The following LAD1 variants were observed in gnomAD, a reference collection of about 807,000 sequenced individuals.
LAD1 encodes ladinin-1.
A neutral mutation model predicts 54.2 loss-of-function variants in LAD1; 53 were observed. The ratio of observed to expected loss-of-function variants is 0.98; its 90% CI spans 0.78 to 1.23. The LOEUF (loss-of-function observed/expected upper bound fraction) is 1.23. LAD1 is among the 50% of genes most tolerant of loss of function. The probability of loss-of-function intolerance (pLI) is 0.00; values close to 1 mark genes in which losing one functional copy is unlikely to be tolerated. For missense variants in LAD1, 637 were observed against 653.3 expected, an observed-to-expected ratio of 0.98 and a Z score of 0.27; for synonymous variants, 231 against 257.7, an observed-to-expected ratio of 0.90 and a Z score of 0.99.
intron 7 of LAD1, 139 bp from the exon 8 acceptor site, chr1:201,382,878 C>T: frequency 2.1e-6 from 2 of 972,542 alleles, no homozygotes; most frequent in Non-Finnish European, 1.6e-6. Context: ...GGACAGCCCC[C>T]TCCCCTTCCC....
chr1:201,399,258 C>A lies in LAD1; in HGVS notation c.38+11G>T. ...GACCCCCCGCCCCTCCCGGCTCCCT[C>A]CGGCGCTCACCTGGACAGCGCGGAC... On this transcript the variant is annotated intron_variant, in intron 1 of 9. Coordinates refer to ENST00000391967, the MANE Select transcript of LAD1 (RefSeq NM_005558.4). 6.4e-7 allele frequency: 1 copy of A among 1,553,696 alleles called. No homozygotes were observed. The highest frequency in any genetic ancestry group is 1.2e-5 in the South Asian group (1 of 85,492).
chr1:201,391,081 T>A (rs1192269390), intron 1 of LAD1: 4 of 456,158 alleles, frequency 8.8e-6, no homozygotes, highest in Non-Finnish European at 1.3e-5. Context: ...CATTTACCCA[T>A]GGAAAAAACT....
At chr1:201,382,608 C>T (rs755763772) in intron 8 of LAD1, 45 bp downstream of exon 8, 3 of 1,484,496 alleles carry the variant, frequency 2.0e-6, no homozygotes, top group African/African-American at 2.8e-5. Context: ...AGTCATCCCA[C>T]CACAAAGGCT....
At chr1:201,390,528 C>T (rs1214272714) in intron 1 of LAD1, among the ~76,000 whole-genome samples, 1 of 152,058 alleles carries the variant, frequency 6.6e-6, no homozygotes, top group African/African-American at 2.4e-5. Flanking sequence ...GAGTGAAACT[C>T]CATCTCAAAA....
intron 1 of LAD1, among the ~76,000 whole-genome samples, chr1:201,394,547 T>A (rs930502716): frequency 5.9e-5 from 9 of 152,252 alleles, no homozygotes; most frequent in African/African-American, 2.2e-4. Context: ...GCATGACTGC[T>A]GTGAGCTCTG....
rs1452282322 is a variant in LAD1 at position 201,390,008 on chromosome 1, C to G, written c.39-705G>C. Among the ~76,000 whole-genome samples, 4 of 151,902 alleles carry G rather than the reference C, an allele frequency of 2.6e-5. No individual in the cohort carries two copies. In the East Asian group the frequency reaches 7.9e-4, roughly 30 times the overall value. ...AATCACAGCTCACTGCAGCCCCAAC[C>G]TCCCAGGCTCAAGTGATCCTCCCAC... On this transcript the variant is annotated intron_variant, in intron 1 of 9. Coordinates refer to ENST00000391967, the MANE Select transcript of LAD1 (RefSeq NM_005558.4).
At chr1:201,383,021 G>A (rs1661993170) in intron 7 of LAD1, 53 bp downstream of exon 7, 20 of 1,554,664 alleles carry the variant, frequency 1.3e-5, no homozygotes, top group Non-Finnish European at 1.7e-5. Context: ...TTTGGGTTTT[G>A]GAGACGTCAG....
At chr1:201,382,150 C>T (rs2102354041) in intron 9 of LAD1, 102 bp downstream of exon 9, 5 of 1,038,744 alleles carry the variant, frequency 4.8e-6, no homozygotes, top group Non-Finnish European at 7.5e-6. Context: ...GGGTGGACTG[C>T]GCGATTGCAG....
chr1:201,383,259 G>A (rs1171130241), intron 6 of LAD1, 48 bp from the exon 7 acceptor site: 17 of 1,614,064 alleles, frequency 1.1e-5, no homozygotes, highest in Admixed American at 1.7e-5. Context: ...GGAGGGGAAA[G>A]GGCCATGCCC....
In LAD1 at chr1:201,386,385, C is replaced by G. The variant is rs778739037; in HGVS notation, c.976G>C (p.Ala326Pro). The change falls in exon 3 of 10, where the codon GCT becomes CCT. Residue 326 changes from alanine to proline, a missense_variant. Coordinates refer to ENST00000391967, the MANE Select transcript of LAD1 (RefSeq NM_005558.4). ...GAGGCCACAGTCGGAGGGTCTGAAG[C>G]CCCCTGCTTTGCCAAAGAGGGCAGG... The part of the protein sequence containing the change: ...KNLPSLAKQG[A>P]SDPPTVASRL... The G allele has an allele frequency of 1.3e-6, 2 of 1,516,544 alleles. No individual in the cohort carries two copies. The highest frequency in any genetic ancestry group is 1.8e-6 in the Non-Finnish European group (2 of 1,136,036). The allele number at this position is 1,516,544 out of a possible 1,614,324, so 93.9% of individuals were successfully genotyped here.
rs368718244 is a variant in LAD1 at position 201,381,880 on chromosome 1, G to A, written c.*8C>T. 49 of 1,613,850 alleles carry A rather than the reference G, an allele frequency of 3.0e-5. 1 individual carries two copies. The highest frequency in any genetic ancestry group is 1.1e-4 in the African/African-American group (8 of 74,924). ...CGAAGACTTGCAGGTCTGTCTTGGC[G>A]GGGCTTGTCACACCTGTGGGGCAAA... is the stretch of plus-strand genomic sequence containing the variant. On this transcript the variant is annotated 3_prime_UTR_variant, in exon 10 of 10. Coordinates refer to ENST00000391967, the MANE Select transcript of LAD1 (RefSeq NM_005558.4).
chr1:201,386,266 G>A, intron 3 of LAD1, 69 bp downstream of exon 3: 9 of 1,376,528 alleles, frequency 6.5e-6, no homozygotes, highest in Non-Finnish European at 8.5e-6. Context: ...GGACTACCTG[G>A]GTGGGACTGG....
chr1:201,381,635 GCAGAGACTGGGT>G lies in LAD1; in HGVS notation c.*241_*252del. The G allele has an allele frequency of 1.7e-6, 1 of 589,396 alleles. No individual in the cohort carries two copies. Among genetic ancestry groups the G allele is most frequent in the Non-Finnish European group, 3.1e-6 (1 of 326,522 alleles). The allele number at this position is 589,396 out of a possible 1,614,324, so 36.5% of individuals were successfully genotyped here. The stretch of plus-strand genomic sequence containing the variant: ...GATGTGCACTTGTGCTGTGACCTGG[GCAGAGACTGGGT>G]CCCAGCATCTGTTGTGCCTGCCGCA... On this transcript the variant is annotated 3_prime_UTR_variant, in exon 10 of 10. Transcript: ENST00000391967.
At position 201,381,782 on chromosome 1, in the gene LAD1, G is replaced by A. The variant is rs1661965773; in HGVS notation, c.*106C>T. The A allele has an allele frequency of 7.8e-7, 1 of 1,279,028 alleles. No individual in the cohort carries two copies. Among genetic ancestry groups the A allele is most frequent in the Non-Finnish European group, 1.1e-6 (1 of 874,744 alleles). The allele number at this position is 1,279,028 out of a possible 1,614,324, so 79.2% of individuals were successfully genotyped here. The stretch of plus-strand genomic sequence containing the variant: ...GCCAAACAGATCCACAGGCAAAAAG[G>A]GAACAGGGACAATGAGAGGAAAGGG... On this transcript the variant is annotated 3_prime_UTR_variant, in exon 10 of 10. Coordinates refer to ENST00000391967, the MANE Select transcript of LAD1 (RefSeq NM_005558.4).
At position 201,386,384 on chromosome 1, in the gene LAD1, G is replaced by A. The variant is rs200485748; in HGVS notation, c.977C>T (p.Ala326Val). The A allele has an allele frequency of 2.6e-6, 4 of 1,516,722 alleles. No individual in the cohort carries two copies. The East Asian group carries it at 9.1e-5, about 34-fold the overall frequency. The allele number at this position is 1,516,722 out of a possible 1,614,324, so 94.0% of individuals were successfully genotyped here. Residue 326 changes from alanine (A) to valine (V), a missense_variant, in exon 3 of 10, where the codon GCT (alanine) becomes GTT (valine). Physicochemically the swap from Ala to Val is moderately conservative, Grantham distance 64. Transcript: ENST00000391967. ...KNLPSLAKQGASDPPTVASRL... is the reference protein window; with the variant it reads ...KNLPSLAKQGVSDPPTVASRL... ...GGAGGCCACAGTCGGAGGGTCTGAA[G>A]CCCCCTGCTTTGCCAAAGAGGGCAG...
intron 5 of LAD1, chr1:201,384,584 T>C (rs1474469893): frequency 8.4e-6 from 5 of 593,836 alleles, no homozygotes; most frequent in Non-Finnish European, 1.5e-5. Flanking sequence ...CTCTCCCTGA[T>C]CCTTCCCCAT....
At position 201,389,141 on chromosome 1, in the gene LAD1, T is replaced by C. The variant is rs1191194046; in HGVS notation, c.182+19A>G. 1 of 1,611,674 alleles carries C rather than the reference T, an allele frequency of 6.2e-7. No individual in the cohort carries two copies. Among genetic ancestry groups the C allele is most frequent in the South Asian group, 1.1e-5 (1 of 90,828 alleles). ...ACCAGTCCATCCCCATCCATCAGGA[T>C]AGAAACCTGAGCACCTACCTCTCAG... On this transcript the variant is annotated intron_variant, in intron 2 of 9. Transcript: ENST00000391967.
intron 1 of LAD1, 95 bp downstream of exon 1, chr1:201,399,174 G>T: frequency 9.8e-7 from 1 of 1,023,658 alleles, no homozygotes; most frequent in Non-Finnish European, 1.5e-6. Context: ...TCAGTGTCAG[G>T]GTCCCAGGCG....
intron 1 of LAD1, among the ~76,000 whole-genome samples, chr1:201,392,021 C>T (rs776510902): frequency 6.6e-6 from 1 of 152,258 alleles, no homozygotes; most frequent in Non-Finnish European, 1.5e-5. Flanking sequence ...CTTTGCTGTC[C>T]CAGCCTCTCC....
Sources: allele counts gnomAD v4.1 joint callset (sites outside exome capture counted in the v4.1 genomes callset), GRCh38; gene constraint gnomAD v4.1.1; transcripts MANE v1.5; gene names NCBI Gene and HGNC (gene_info 2026-07-23, HGNC 2026-07-21).